The following CTU1 variants were observed in gnomAD, a reference collection of about 807,000 sequenced individuals.
CTU1 encodes the protein cytoplasmic tRNA 2-thiolation protein 1.
A neutral mutation model predicts 12.9 loss-of-function variants in CTU1; 15 were observed. That is an observed-to-expected ratio of 1.16 (90% confidence interval 0.78 to 1.79). The LOEUF (loss-of-function observed/expected upper bound fraction) is 1.79. Ranked by LOEUF, CTU1 falls within the 40% of genes most tolerant of loss-of-function variation. The pLI is 0.00. For synonymous variants in CTU1, 295 were observed against 275.6 expected (o/e 1.07, Z -0.70); for missense variants, 553 against 550.5 (o/e 1.00, Z -0.05).
chr19:51,103,031 C>T (rs564910804), intron 2 of CTU1, among the ~76,000 whole-genome samples: 7 of 152,058 alleles, frequency 4.6e-5, no homozygotes, highest in African/African-American at 1.7e-4. Context: ...TATTCTCAGC[C>T]CTAGCCTGAC....
intron 1 of CTU1, among the ~76,000 whole-genome samples, 172 bp from the exon 2 acceptor site, chr19:51,104,762 G>A (rs1165852067): frequency 6.6e-6 from 1 of 152,154 alleles, no homozygotes; most frequent in Admixed American, 6.5e-5. Context: ...AAATAGGTCC[G>A]GTGTAAGGAA....
chr19:51,105,145 G>GGTCTCCCGTATCTTTGTA (rs1167834400), intron 1 of CTU1, among the ~76,000 whole-genome samples: 1 of 152,138 alleles, frequency 6.6e-6, no homozygotes, highest in Non-Finnish European at 1.5e-5. Context: ...TTTGTAGGGT[G>GGTCTCCCGTATCTTTGTA]GGATACGGTC....
chr19:51,099,172 G>C lies in CTU1; in HGVS notation c.509-33C>G. The C allele has an allele frequency of 1.9e-6, 3 of 1,541,426 alleles. No homozygotes were observed. The South Asian group carries it at 3.5e-5, about 18-fold the overall frequency. On this transcript the variant is annotated intron_variant, in intron 2 of 2. Transcript: ENST00000421832. ...GGAGAGAAGGGAGCGGGTGAGGTGG[G>C]GCGCGGAGGGCGCTGCTGGCCAGGG...
At position 51,099,024 on chromosome 19, in the gene CTU1, CG is replaced by C. The variant is rs1476038528; in HGVS notation, c.623del (p.Pro208ArgfsTer101). On this transcript the variant is annotated frameshift_variant, in exon 3 of 3. Coordinates refer to ENST00000421832, the MANE Select transcript of CTU1 (RefSeq NM_145232.4). LOFTEE classifies it high-confidence loss of function. Reference protein sequence around the residue: ...LGSPGEGGALPRCRPLQFASQ... With the variant: ...LGSPGEGGALXRCRPLQFASQ... Reference sequence around the variant, plus strand: ...AGGCGAACTGCAGCGGGCGGCAGCGCGGCAGGGCGCCCCCCTCGCCGGGAGA... The same window carrying C: ...AGGCGAACTGCAGCGGGCGGCAGCGCGCAGGGCGCCCCCCTCGCCGGGAGA... The C allele has an allele frequency of 3.3e-6, 5 of 1,511,168 alleles. No individual in the cohort carries two copies. Among genetic ancestry groups the C allele is most frequent in the Non-Finnish European group, 3.5e-6 (4 of 1,133,618 alleles). 93.6% of individuals were successfully genotyped at this position (1,511,168 alleles called of 1,614,324 possible).
rs1328360463 is a variant in CTU1 at position 51,104,481 on chromosome 19, A to T, written c.89T>A (p.Phe30Tyr). 7.6e-7 allele frequency: 1 copy of T among 1,319,146 alleles called. No individual in the cohort carries two copies. The highest frequency in any genetic ancestry group is 9.6e-7 in the Non-Finnish European group (1 of 1,036,590). 81.7% of individuals were successfully genotyped at this position (1,319,146 alleles called of 1,614,324 possible). The change falls in exon 2 of 3, where the codon TTC becomes TAC. Residue 30 changes from phenylalanine to tyrosine, a missense_variant. Physicochemically the swap from Phe to Tyr is conservative, Grantham distance 22. Coordinates refer to ENST00000421832, the MANE Select transcript of CTU1 (RefSeq NM_145232.4). ...LSGQALCGAC[F>Y]CAAFEAEVLH... is the part of the protein sequence containing the mutation. ...CACCTCGGCCTCGAAGGCGGCGCAG[A>T]AGCAGGCACCGCACAGCGCTTGGCC... is the stretch of plus-strand genomic sequence containing the variant.
In CTU1 at chr19:51,104,504, G is replaced by T. The variant is rs991112322; in HGVS notation, c.66C>A (p.Gly22=). Residue 22 remains glycine (G), a synonymous_variant, in exon 2 of 3, where the codon GGC becomes GGA. Transcript: ENST00000421832. ...ARAALRRPLS[G]QALCGACFCA... is the part of the protein sequence containing the mutation. ...AGAAGCAGGCACCGCACAGCGCTTG[G>T]CCCGAGAGCGGACGGCGGAGGGCGG... is the stretch of plus-strand genomic sequence containing the variant. The T allele has an allele frequency of 1.6e-6, 2 of 1,287,612 alleles. No individual in the cohort carries two copies. Among genetic ancestry groups the T allele is most frequent in the Non-Finnish European group, 2.0e-6 (2 of 1,019,414 alleles). 79.8% of individuals were successfully genotyped at this position (1,287,612 alleles called of 1,614,324 possible). A position where few individuals can be genotyped will look rare whatever the true frequency, so the allele number is the denominator to read the frequency against.
chr19:51,099,224 C>G (rs538143429), intron 2 of CTU1, 85 bp from the exon 3 acceptor site: 11 of 1,261,246 alleles, frequency 8.7e-6, no homozygotes, highest in South Asian at 5.3e-5. Context: ...AAGGGTCCAC[C>G]AGGACCCAGA....
intron 2 of CTU1, among the ~76,000 whole-genome samples, chr19:51,103,563 A>G (rs2091911990): frequency 7.4e-6 from 1 of 135,130 alleles, no homozygotes. Context: ...CCAGCCTGGG[A>G]GACAGAGCGA....
At position 51,099,057 on chromosome 19, in the gene CTU1, G is replaced by T; in HGVS notation, c.591C>A (p.Gly197=). 1.3e-6 allele frequency: 2 copies of T among 1,515,956 alleles called. No individual in the cohort carries two copies. The highest frequency in any genetic ancestry group is 1.8e-6 in the Non-Finnish European group (2 of 1,137,166). 93.9% of individuals were successfully genotyped at this position (1,515,956 alleles called of 1,614,324 possible). ...GDAGRLARGG[G]LGSPGEGGAL... ...CGCCCCCCTCGCCGGGAGAGCCCAG[G>T]CCCCCGCCCCGGGCCAGCCGCCCCG... The change falls in exon 3 of 3, where the codon GGC becomes GGA. Residue 197 remains glycine, a synonymous_variant. Coordinates refer to ENST00000421832, the MANE Select transcript of CTU1 (RefSeq NM_145232.4).
At chr19:51,102,072 C>T (rs140192507) in intron 2 of CTU1, among the ~76,000 whole-genome samples, 1,820 of 152,204 alleles carry the variant, frequency 0.012, 33 homozygotes, top group Middle Eastern at 0.044. Context: ...GGCGTGATCT[C>T]GACTCACTGC....
rs1442884873 is a variant in CTU1, at chr19:51,106,934, A to G, written c.-22+1413T>C. Among the ~76,000 whole-genome samples, 6 of 151,802 alleles carry G rather than the reference A, an allele frequency of 4.0e-5. No homozygotes were observed. In the East Asian group the frequency reaches 1.2e-3, roughly 29 times the overall value. Reference sequence around the variant, plus strand: ...CAGACCCTAAGCGCCCAGACAACCTATTTCTTCCTCGAAAGGCAGAAACCT... The same window carrying G: ...CAGACCCTAAGCGCCCAGACAACCTGTTTCTTCCTCGAAAGGCAGAAACCT... On this transcript the variant is annotated intron_variant, in intron 1 of 2. Transcript: ENST00000421832.
rs114873465 is a variant in CTU1 at position 51,104,081 on chromosome 19, T to C, written c.489A>G (p.Gly163=). 1.2e-3 allele frequency: 1,724 copies of C among 1,462,918 alleles called. 13 individuals carry two copies. In the African/African-American group the frequency reaches 0.024, roughly 20 times the overall value. The allele number at this position is 1,462,918 out of a possible 1,614,324, so 90.6% of individuals were successfully genotyped here. A position where few individuals can be genotyped will look rare whatever the true frequency, so the allele number is the denominator to read the frequency against. The change falls in exon 2 of 3, where the codon GGA becomes GGG. Residue 163 remains glycine, a synonymous_variant. Coordinates refer to ENST00000421832, the MANE Select transcript of CTU1 (RefSeq NM_145232.4). The part of the protein sequence containing the change: ...RALEEGARRV[G]ATHIVTGHNA... ...GCTCACCTGTCACGATGTGCGTGGC[T>C]CCCACGCGGCGCGCCCCTTCCTCCA...
In CTU1 at chr19:51,098,047, T is replaced by C. The variant is rs1370260142; in HGVS notation, c.*554A>G. 1 of 152,180 alleles carries C rather than the reference T, an allele frequency of 6.6e-6. No individual in the cohort carries two copies. Among genetic ancestry groups the C allele is most frequent in the African/African-American group, 2.4e-5 (1 of 41,404 alleles). 9.4% of individuals were successfully genotyped at this position (152,180 alleles called of 1,614,324 possible). A position where few individuals can be genotyped will look rare whatever the true frequency, so the allele number is the denominator to read the frequency against. On this transcript the variant is annotated 3_prime_UTR_variant, in exon 3 of 3. Coordinates refer to ENST00000421832, the MANE Select transcript of CTU1 (RefSeq NM_145232.4). This position sits in a 1 kb window ranked among gnomAD's most constrained non-coding sequence, Gnocchi z 4.3. ...CACACGAAGCGCTGGAAGGGAGGCA[T>C]CGTGACGGCGGCTGTGAATGGCGTG...
At chr19:51,105,095 C>T (rs1568605030) in intron 1 of CTU1, among the ~76,000 whole-genome samples, 1 of 152,130 alleles carries the variant, frequency 6.6e-6, no homozygotes, top group African/African-American at 2.4e-5. Context: ...AAGCTCTGTG[C>T]AGCGGGAGGT....
In CTU1 at chr19:51,104,143, A is replaced by C. The variant is rs1208228358; in HGVS notation, c.427T>G (p.Cys143Gly). Residue 143 changes from cysteine (C) to glycine (G), a missense_variant, in exon 2 of 3, where the codon TGC becomes GGC. Physicochemically the swap from Cys to Gly is radical, Grantham distance 159. This residue lies in a region of CTU1 where 500 missense variants were observed against 458.5 expected (regional missense o/e 1.09). Transcript: ENST00000421832. Reference sequence around the variant, plus strand: ...CGCAGCACTCCACAGAAGGTGCAGCAGGAGCGGCTGCGGCCGGAGCCGGCT... The same window carrying C: ...CGCAGCACTCCACAGAAGGTGCAGCCGGAGCGGCTGCGGCCGGAGCCGGCT... Reference protein sequence around the residue: ...STAGSGRSRSCCTFCGVLRRR... With the variant: ...STAGSGRSRSGCTFCGVLRRR... The C allele has an allele frequency of 2.0e-6, 3 of 1,518,052 alleles. No individual in the cohort carries two copies. Among genetic ancestry groups the C allele is most frequent in the Non-Finnish European group, 1.7e-6 (2 of 1,144,626 alleles). 94.0% of individuals were successfully genotyped at this position (1,518,052 alleles called of 1,614,324 possible). A position where few individuals can be genotyped will look rare whatever the true frequency, so the allele number is the denominator to read the frequency against.
chr19:51,100,788 T>A (rs1361869961), intron 2 of CTU1, among the ~76,000 whole-genome samples: 1 of 152,150 alleles, frequency 6.6e-6, no homozygotes, highest in Non-Finnish European at 1.5e-5. Context: ...AACTACAAGA[T>A]AATAAATCTG....
chr19:51,103,990 T>C, intron 2 of CTU1, 72 bp downstream of exon 2: 6 of 1,336,916 alleles, frequency 4.5e-6, no homozygotes, highest in East Asian at 3.0e-5. Flanking sequence ...CCCTTTCAGG[T>C]CCCGCCTCCT....
At position 51,098,910 on chromosome 19, in the gene CTU1, G is replaced by C. The variant is rs904077505; in HGVS notation, c.738C>G (p.Gly246=). The stretch of plus-strand genomic sequence containing the variant: ...GGCGCTTGAGCAGGTCCCGGGCGTG[G>C]CCGCGGAAGGCCTCGGGCGCGTAGA... ...ECVYAPEAFR[G]HARDLLKRLE... Residue 246 remains glycine (G), a synonymous_variant, in exon 3 of 3, where the codon GGC becomes GGG. Transcript: ENST00000421832. The surrounding 1 kb of genome is among the most constrained non-coding windows in gnomAD (Gnocchi z 4.3). The C allele has an allele frequency of 5.9e-6, 9 of 1,517,600 alleles. No homozygotes were observed. Among genetic ancestry groups the C allele is most frequent in the East Asian group, 2.6e-5 (1 of 37,856 alleles). 94.0% of individuals were successfully genotyped at this position (1,517,600 alleles called of 1,614,324 possible).
chr19:51,104,829 G>A (rs1365911790), intron 1 of CTU1, among the ~76,000 whole-genome samples: 1 of 152,206 alleles, frequency 6.6e-6, no homozygotes, highest in African/African-American at 2.4e-5. Context: ...AAGAAGAGAA[G>A]TAGCTTAAGA....
Sources: gnomAD v4.1 joint callset for allele counts (sites outside exome capture counted in the v4.1 genomes callset) on GRCh38, gnomAD v4.1.1 for gene constraint, gnomAD v4.1.1 regional missense constraint, Gnocchi (gnomAD v3.1) non-coding constraint, MANE v1.5 for transcripts, NCBI Gene and HGNC (gene_info 2026-07-23, HGNC 2026-07-21) for gene names.